The following SYNE2 variants were observed in gnomAD, a reference collection of about 807,000 sequenced individuals.
SYNE2 encodes the protein spectrin repeat containing nuclear envelope protein 2.
SYNE2 carries 431 observed loss-of-function variants against 856.3 expected under a neutral mutation model. The ratio of observed to expected loss-of-function variants is 0.50; its 90% CI spans 0.47 to 0.55. SYNE2 has a LOEUF of 0.55. SYNE2 is among the 20% of genes least tolerant of loss of function. The pLI, the probability that SYNE2 is intolerant of heterozygous loss-of-function variation, is 0.00. For missense variants in SYNE2, 8,129 were observed against 8,023.2 expected (o/e 1.01, Z -0.50); for synonymous variants, 2,923 against 2,872.3 (o/e 1.02, Z -0.56).
At chr14:64,201,329 G>T (rs1379645398) in intron 99 of SYNE2, among the ~76,000 whole-genome samples, 1 of 152,180 alleles carries the variant, frequency 6.6e-6, no homozygotes, top group Non-Finnish European at 1.5e-5. Flanking sequence ...GGAACTAGAA[G>T]TCAGTCCCAT....
In SYNE2 at chr14:63,923,336, G is replaced by A. The variant is rs117592256; in HGVS notation, c.79+14109G>A. Among the ~76,000 whole-genome samples the A allele has an allele frequency of 1.0e-3, 158 of 152,328 alleles. 2 individuals are homozygous for A. In the East Asian group the frequency reaches 0.014, roughly 14 times the overall value. ...TGTCAGGTGTTTACACAAGGGTGTG[G>A]TTTGCTCATGTGGCAACACGAGGTT... is the stretch of plus-strand genomic sequence containing the variant. On this transcript the variant is annotated intron_variant, in intron 2 of 115. Transcript: ENST00000555002.
chr14:64,081,293 A>G, intron 56 of SYNE2, 150 bp from the exon 57 acceptor site: 1 of 868,092 alleles, frequency 1.2e-6, no homozygotes, highest in Non-Finnish European at 1.9e-6. Flanking sequence ...CATAGCCTAG[A>G]GCAGGTGAAT....
In SYNE2 at chr14:64,029,592, C is replaced by T. The variant is rs74550207; in HGVS notation, c.6715-303C>T. ...CATGAATGTTTGGGATTTAATGATA[C>T]AATTTGTAGCTATTTCATTTTATAA... On this transcript the variant is annotated intron_variant, in intron 43 of 115. Coordinates refer to ENST00000555002, the MANE Select transcript of SYNE2 (RefSeq NM_182914.3). Among the ~76,000 whole-genome samples, 377 of 152,236 alleles carry T rather than the reference C, an allele frequency of 2.5e-3. 5 individuals are homozygous for T. The highest frequency in any genetic ancestry group is 0.015 in the South Asian group (74 of 4,820).
intron 8 of SYNE2, chr14:63,956,484 A>G (rs754587504): frequency 1.1e-5 from 5 of 456,010 alleles, no homozygotes; most frequent in South Asian, 7.8e-5. Context: ...GATGTGAGTC[A>G]GCTAGTTCCA....
At chr14:63,876,732 C>A (rs1314568187) in intron 1 of SYNE2, among the ~76,000 whole-genome samples, 2 of 152,120 alleles carry the variant, frequency 1.3e-5, no homozygotes, top group Admixed American at 1.3e-4. Context: ...GTGATCCGCC[C>A]ACCTCAGCCT....
intron 7 of SYNE2, among the ~76,000 whole-genome samples, chr14:63,950,891 A>C (rs2096143366): frequency 6.6e-6 from 1 of 152,052 alleles, no homozygotes; most frequent in Non-Finnish European, 1.5e-5. Context: ...TCCTGAGCTC[A>C]AGCAATTCAC....
Position 63,951,010 on chromosome 14 carries a change from C to CT in SYNE2, c.590+1017dup, listed in dbSNP as rs34081498. Among the ~76,000 whole-genome samples, 368 of 144,778 alleles carry CT rather than the reference C, an allele frequency of 2.5e-3. 2 individuals carry two copies. The highest frequency in any genetic ancestry group is 7.2e-3 in the African/African-American group (286 of 39,670). The allele number at this position is 144,778 out of a possible 152,430, so 95.0% of individuals were successfully genotyped here. A position where few individuals can be genotyped will look rare whatever the true frequency, so the allele number is the denominator to read the frequency against. ...AATGAAGGAAAGTTAGTGCTCATATCTTTTTTTTTTTTTAAACAAAGAAAA... is the reference window on the plus strand; with the variant it reads ...AATGAAGGAAAGTTAGTGCTCATATCTTTTTTTTTTTTTTAAACAAAGAAAA... On this transcript the variant is annotated intron_variant, in intron 7 of 115. Transcript: ENST00000555002.
At chr14:64,216,683 G>T (rs935852538) in intron 108 of SYNE2, among the ~76,000 whole-genome samples, 2 of 152,170 alleles carry the variant, frequency 1.3e-5, no homozygotes, top group Non-Finnish European at 2.9e-5. Context: ...AGCAAGCAAG[G>T]TGCTGGCTTT....
Position 63,942,134 on chromosome 14 carries a change from G to A in SYNE2, c.399G>A (p.Leu133=). Reference sequence around the variant, plus strand: ...TTGGCCTAATTTGGACAATTATCCTGCACTTTCATGTAAGTAGTTTGATGA... The same window carrying A: ...TTGGCCTAATTTGGACAATTATCCTACACTTTCATGTAAGTAGTTTGATGA... ...IILGLIWTII[L]HFHIEKLAQT... The change falls in exon 6 of 116, where the codon CTG becomes CTA. Residue 133 remains leucine (L), a synonymous_variant. Transcript: ENST00000555002. 6.3e-7 allele frequency: 1 copy of A among 1,580,506 alleles called. No homozygotes were observed. The highest frequency in any genetic ancestry group is 1.1e-5 in the South Asian group (1 of 90,474).
intron 76 of SYNE2, among the ~76,000 whole-genome samples, chr14:64,131,958 G>A (rs1414171067): frequency 6.6e-6 from 1 of 151,818 alleles, no homozygotes; most frequent in Non-Finnish European, 1.5e-5. Flanking sequence ...TTTTGAGAGG[G>A]AGTCTTGCTC....
At chr14:63,994,573 C>A (rs74777676) in intron 22 of SYNE2, among the ~76,000 whole-genome samples, 1 of 152,124 alleles carries the variant, frequency 6.6e-6, no homozygotes, top group Non-Finnish European at 1.5e-5. Flanking sequence ...ATCGTTGATA[C>A]GATTACTGGG....
intron 11 of SYNE2, among the ~76,000 whole-genome samples, chr14:63,969,958 G>A (rs2096453086): frequency 1.3e-5 from 2 of 152,012 alleles, no homozygotes; most frequent in South Asian, 4.2e-4. Context: ...TCTTCCTGAG[G>A]ACTTCTACCA....
intron 1 of SYNE2, among the ~76,000 whole-genome samples, chr14:63,833,115 A>G (rs1197217888): frequency 4.0e-5 from 6 of 151,862 alleles, no homozygotes; most frequent in Non-Finnish European, 8.8e-5. Context: ...AAGCAGAAAC[A>G]GAAAGATCCC....
chr14:63,810,516 T>C (rs1175828046), intron 1 of SYNE2, among the ~76,000 whole-genome samples: 6 of 152,138 alleles, frequency 3.9e-5, no homozygotes, highest in African/African-American at 1.4e-4. Context: ...AAACTTGGGA[T>C]CATACCACTG....
intron 1 of SYNE2, among the ~76,000 whole-genome samples, chr14:63,818,892 G>T (rs1341017041): frequency 6.6e-6 from 1 of 151,756 alleles, no homozygotes; most frequent in African/African-American, 2.4e-5. Flanking sequence ...TCGAGACTGG[G>T]TTTCACCATG....
In SYNE2 at chr14:63,964,052, G is replaced by A. The variant is rs34753731; in HGVS notation, c.990+52G>A. On this transcript the variant is annotated intron_variant, in intron 10 of 115. Coordinates refer to ENST00000555002, the MANE Select transcript of SYNE2 (RefSeq NM_182914.3). ...GTAATTTACCTTTTAAGAGTTGAGC[G>A]TAAGTATGTTTTTAGAAAACTCTTT... The A allele has an allele frequency of 0.073, 83,464 of 1,138,276 alleles. 3,572 individuals are homozygous for A. Among genetic ancestry groups the A allele is most frequent in the Admixed American group, 0.14 (7,420 of 53,414 alleles). 70.5% of individuals were successfully genotyped at this position (1,138,276 alleles called of 1,614,324 possible).
intron 65 of SYNE2, among the ~76,000 whole-genome samples, chr14:64,110,418 A>G (rs1246899456): frequency 3.3e-5 from 5 of 152,190 alleles, no homozygotes; most frequent in Admixed American, 1.3e-4. Flanking sequence ...TGTAGATTCC[A>G]AAGTGTAGTG....
chr14:64,067,876 C>T (rs1395200103), intron 51 of SYNE2, among the ~76,000 whole-genome samples: 3 of 152,096 alleles, frequency 2.0e-5, no homozygotes, highest in African/African-American at 7.2e-5. Flanking sequence ...GATGTGAGGC[C>T]GGCTTCTTCC....
chr14:64,183,125 G>A lies in SYNE2; in HGVS notation c.17557-3299G>A, dbSNP rs558109491. 2.6e-4 allele frequency among the ~76,000 whole-genome samples: 39 copies of A among 151,240 alleles called. 1 individual carries two copies. In the South Asian group the frequency reaches 2.7e-3, roughly 11 times the overall value. On this transcript the variant is annotated intron_variant, in intron 96 of 115. Transcript: ENST00000555002. ...GGGCTCCTCACTTCTCGGACGGGGC[G>A]GCTGCCGGGCGGAGGGGCTCCTCAC...
Sources: gnomAD v4.1 joint callset for allele counts (sites outside exome capture counted in the v4.1 genomes callset) on GRCh38, gnomAD v4.1.1 for gene constraint, MANE v1.5 for transcripts, NCBI Gene and HGNC (gene_info 2026-07-23, HGNC 2026-07-21) for gene names.